Variants in PABPN1 observed in about 807,000 individuals in gnomAD.
PABPN1 encodes the protein polyadenylate-binding protein 2.
PABPN1 carries 5 observed loss-of-function variants against 33.4 expected under a neutral mutation model. The observed-to-expected ratio is 0.15, with a 90% CI of 0.08 to 0.32. The LOEUF (loss-of-function observed/expected upper bound fraction) is 0.32, where lower values mean the gene tolerates loss of function less well. PABPN1 is among the 10% of genes least tolerant of loss of function. PABPN1 has a pLI of 1.00. For missense variants in PABPN1, 312 were observed against 425.8 expected (o/e 0.73, Z 2.35); for synonymous variants, 176 against 170.6 (o/e 1.03, Z -0.25).
rs756884629 is a variant in PABPN1, at chr14:23,321,848, C to T, written c.351+28C>T. On this transcript the variant is annotated intron_variant, in intron 1 of 6. Coordinates refer to ENST00000216727, the MANE Select transcript of PABPN1 (RefSeq NM_004643.4). ...GAGGGAAGGAGGGCGAGCGAGCAGG[C>T]CGGCGGCTGGCCGGCCGGGTCACTG... The T allele has an allele frequency of 8.5e-4, 1,217 of 1,434,962 alleles. 2 individuals carry two copies. The highest frequency in any genetic ancestry group is 1.0e-3 in the Non-Finnish European group (1,109 of 1,088,642). 88.9% of individuals were successfully genotyped at this position (1,434,962 alleles called of 1,614,324 possible).
At chr14:23,322,760 A>AGGAGG in intron 2 of PABPN1, 1 of 558,482 alleles carries the variant, frequency 1.8e-6, no homozygotes, top group Non-Finnish European at 3.2e-6. Context: ...ATTTGGAGGC[A>AGGAGG]GGAGGGATTC....
chr14:23,323,257 T>A, intron 3 of PABPN1, 120 bp from the exon 4 acceptor site: 2 of 1,295,328 alleles, frequency 1.5e-6, no homozygotes, highest in Non-Finnish European at 2.2e-6. Context: ...AGAGATTAAT[T>A]CCTCAAATTA....
At chr14:23,324,946 T>A (rs1888622460) in intron 6 of PABPN1, 2 of 372,178 alleles carry the variant, frequency 5.4e-6, no homozygotes, top group Non-Finnish European at 9.7e-6. Flanking sequence ...GCCTAGGGTT[T>A]AAGAGCTGTG....
intron 2 of PABPN1, chr14:23,322,606 C>T (rs1019364463): frequency 1.5e-5 from 7 of 464,776 alleles, no homozygotes; most frequent in African/African-American, 9.8e-5. Flanking sequence ...AATAGTTTTT[C>T]CTCCAATTGG....
In PABPN1 at chr14:23,325,376, A is replaced by G; in HGVS notation, c.*90A>G. The G allele has an allele frequency of 7.0e-7, 1 of 1,425,394 alleles. No individual in the cohort carries two copies. Among genetic ancestry groups the G allele is most frequent in the Non-Finnish European group, 9.5e-7 (1 of 1,056,816 alleles). The allele number at this position is 1,425,394 out of a possible 1,614,324, so 88.3% of individuals were successfully genotyped here. On this transcript the variant is annotated 3_prime_UTR_variant, in exon 7 of 7. Coordinates refer to ENST00000216727, the MANE Select transcript of PABPN1 (RefSeq NM_004643.4). ...AAAAAAAAAAAAAGAAAAACAGAAG[A>G]TGACCTTGATGGAAAAAAAATATTT...
rs1888672628 is a variant in PABPN1, at chr14:23,325,362, A to G, written c.*76A>G. 1 of 1,499,384 alleles carries G rather than the reference A, an allele frequency of 6.7e-7. No individual in the cohort carries two copies. The highest frequency in any genetic ancestry group is 9.0e-7 in the Non-Finnish European group (1 of 1,116,914). The allele number at this position is 1,499,384 out of a possible 1,614,324, so 92.9% of individuals were successfully genotyped here. On this transcript the variant is annotated 3_prime_UTR_variant, in exon 7 of 7. Transcript: ENST00000216727. The stretch of plus-strand genomic sequence containing the variant: ...AAAAAAAAGAATTAAAAAAAAAAAA[A>G]AGAAAAACAGAAGATGACCTTGATG...
chr14:23,321,528 G>C lies in PABPN1; in HGVS notation c.59G>C (p.Gly20Ala). Residue 20 changes from glycine (G) to alanine (A), a missense_variant, in exon 1 of 7, where the codon GGG (glycine) becomes GCG (alanine). Gly to Ala is a moderately conservative substitution (Grantham distance 60). Transcript: ENST00000216727. ...AAGAAGGRGS[G>A]PGRRRHLVPG... ...GGGGCTGCGGGCGGTCGGGGCTCCG[G>C]GCCGGGGCGGCGGCGCCATCTTGTG... The C allele has an allele frequency of 7.8e-7, 1 of 1,277,798 alleles. No homozygotes were observed. Among genetic ancestry groups the C allele is most frequent in the African/African-American group, 1.5e-5 (1 of 64,684 alleles). The allele number at this position is 1,277,798 out of a possible 1,614,324, so 79.2% of individuals were successfully genotyped here. A position where few individuals can be genotyped will look rare whatever the true frequency, so the allele number is the denominator to read the frequency against.
chr14:23,322,489 G>C (rs1888386467), intron 2 of PABPN1, 194 bp downstream of exon 2: 6 of 626,950 alleles, frequency 9.6e-6, no homozygotes, highest in Non-Finnish European at 1.7e-5. Flanking sequence ...GGTGGTGGTA[G>C]CCTTGTGCCT....
intron 4 of PABPN1, 92 bp downstream of exon 4, chr14:23,323,575 TAAC>T: frequency 8.4e-7 from 1 of 1,187,388 alleles, no homozygotes; most frequent in Non-Finnish European, 1.2e-6. Flanking sequence ...TATTTGGTGT[TAAC>T]ACAGGTGATC....
At chr14:23,322,337 T>C (rs749491907) in intron 2 of PABPN1, 42 bp downstream of exon 2, 1 of 1,537,168 alleles carries the variant, frequency 6.5e-7, no homozygotes, top group South Asian at 1.2e-5. Flanking sequence ...GGTTCTCGGG[T>C]TGGAAGGGTT....
At position 23,321,712 on chromosome 14, in the gene PABPN1, G is replaced by A. The variant is rs1488547767; in HGVS notation, c.243G>A (p.Pro81=). 1.3e-6 allele frequency: 2 copies of A among 1,541,208 alleles called. No individual in the cohort carries two copies. Among genetic ancestry groups the A allele is most frequent in the African/African-American group, 1.4e-5 (1 of 72,172 alleles). The change falls in exon 1 of 7, where the codon CCG becomes CCA. Residue 81 remains proline (P), a synonymous_variant. Transcript: ENST00000216727. ...AGCCGCCCCGGCCCCGCGCCCCCCC[G>A]GGAGCTCCGGGCCCTGGGCCTGGTT... The part of the protein sequence containing the change: ...EEEPPRPRAP[P]GAPGPGPGSG...
intron 1 of PABPN1, 44 bp downstream of exon 1, chr14:23,321,864 C>A (rs1888310719): frequency 1.8e-6 from 2 of 1,133,722 alleles, no homozygotes; most frequent in Non-Finnish European, 2.3e-6. Context: ...GCTGGCCGGC[C>A]GGGTCACTGG....
At chr14:23,322,612 A>G (rs1208909654) in intron 2 of PABPN1, 2 of 458,870 alleles carry the variant, frequency 4.4e-6, no homozygotes, top group South Asian at 2.2e-5. Context: ...TTTTCCTCCA[A>G]TTGGAGACGC....
chr14:23,321,651 T>G lies in PABPN1; in HGVS notation c.182T>G (p.Leu61Arg). 2 of 1,513,046 alleles carry G rather than the reference T, an allele frequency of 1.3e-6. No individual in the cohort carries two copies. The highest frequency in any genetic ancestry group is 1.8e-6 in the Non-Finnish European group (2 of 1,116,794). The allele number at this position is 1,513,046 out of a possible 1,614,324, so 93.7% of individuals were successfully genotyped here. ...ESEELEPEEL[L>R]LEPEPEPEPE... ...GAGGAACTGGAGCCTGAGGAGCTGC[T>G]GCTGGAGCCCGAGCCGGAGCCCGAG... is the stretch of plus-strand genomic sequence containing the variant. The change falls in exon 1 of 7, where the codon CTG (leucine) becomes CGG (arginine). Residue 61 changes from leucine (L) to arginine (R), a missense_variant. Transcript: ENST00000216727.
intron 6 of PABPN1, 162 bp downstream of exon 6, chr14:23,324,451 C>T (rs1202063529): frequency 1.4e-5 from 13 of 897,070 alleles, no homozygotes; most frequent in Non-Finnish European, 2.1e-5. Context: ...GCAGGCCAGG[C>T]CAGAAGGCCA....
intron 2 of PABPN1, 148 bp downstream of exon 2, chr14:23,322,443 G>A: frequency 2.7e-6 from 2 of 744,934 alleles, no homozygotes; most frequent in South Asian, 3.0e-5. Context: ...TCCGTTGTGT[G>A]TTCCTCTGAC....
In PABPN1 at chr14:23,325,398, A is replaced by AT. The variant is rs915112122; in HGVS notation, c.*118dup. The AT allele has an allele frequency of 3.7e-6, 5 of 1,339,756 alleles. No individual in the cohort carries two copies. The African/African-American group carries it at 4.5e-5, about 12-fold the overall frequency. The allele number at this position is 1,339,756 out of a possible 1,614,324, so 83.0% of individuals were successfully genotyped here. On this transcript the variant is annotated 3_prime_UTR_variant, in exon 7 of 7. Transcript: ENST00000216727. Reference sequence around the variant, plus strand: ...AAGATGACCTTGATGGAAAAAAAATATTTTTTAAAAAAAAGATATACTGTG... The same window carrying AT: ...AAGATGACCTTGATGGAAAAAAAATATTTTTTTAAAAAAAAGATATACTGTG...
intron 6 of PABPN1, 134 bp downstream of exon 6, chr14:23,324,423 A>G (rs1888583832): frequency 3.4e-6 from 4 of 1,178,978 alleles, no homozygotes; most frequent in Non-Finnish European, 3.6e-6. Flanking sequence ...CTGCCTGTGC[A>G]GGTTGAGGAA....
intron 1 of PABPN1, 27 bp from the exon 2 acceptor site, chr14:23,322,154 C>G: frequency 6.3e-7 from 1 of 1,583,416 alleles, no homozygotes; most frequent in South Asian, 1.2e-5. Context: ...CTTAAGCTGT[C>G]CTCCATACCC....
Sources: allele counts gnomAD v4.1 joint callset, GRCh38; gene constraint gnomAD v4.1.1; transcripts MANE v1.5; gene names NCBI Gene and HGNC (gene_info 2026-07-23, HGNC 2026-07-21).